Variants in CFAP91 observed in about 807,000 individuals in gnomAD.
The protein encoded by CFAP91 is cilia and flagella associated protein 91.
A neutral mutation model predicts 95.9 loss-of-function variants in CFAP91; 85 were observed. The ratio of observed to expected loss-of-function variants is 0.89; its 90% confidence interval spans 0.74 to 1.06. The LOEUF (loss-of-function observed/expected upper bound fraction) is 1.06. Among genes scored for constraint, CFAP91 ranks in the 50% least tolerant of loss-of-function variants. CFAP91 has a pLI of 0.00. For missense variants in CFAP91, 962 were observed against 943.4 expected, an observed-to-expected ratio of 1.02 and a Z score of -0.26; for synonymous variants, 335 against 327.5, an observed-to-expected ratio of 1.02 and a Z score of -0.25.
intron 5 of CFAP91, among the ~76,000 whole-genome samples, chr3:119,710,850 G>A (rs1434946115): frequency 6.6e-6 from 1 of 152,182 alleles, no homozygotes; most frequent in East Asian, 1.9e-4. Flanking sequence ...GGCTGAATCT[G>A]AGACAAATGT....
chr3:119,737,482 T>A lies in CFAP91; in HGVS notation c.1461T>A (p.Asn487Lys), dbSNP rs369397201. ...CTCCAACCTTGGAAATGACGTCCAA[T>A]GTAAGTTGGAAACTTTTTAGTTGAA... The part of the protein sequence containing the change: ...LPTPTLEMTS[N>K]EEEEMEMAVI... Residue 487 changes from asparagine (N) to lysine (K), a missense_variant and splice_region_variant, in exon 11 of 18, where the codon AAT becomes AAA. Transcript: ENST00000273390. 6.4e-7 allele frequency: 1 copy of A among 1,565,918 alleles called. No homozygotes were observed. The highest frequency in any genetic ancestry group is 1.4e-5 in the African/African-American group (1 of 72,906).
chr3:119,726,182 C>G lies in CFAP91; in HGVS notation c.694C>G (p.Pro232Ala), dbSNP rs759496105. 8.7e-6 allele frequency: 14 copies of G among 1,609,836 alleles called. No individual in the cohort carries two copies. The South Asian group carries it at 1.3e-4, about 15-fold the overall frequency. Residue 232 changes from proline to alanine, a missense_variant, in exon 7 of 18, where the codon CCA becomes GCA. By Grantham distance (27) the Pro-to-Ala change is conservative. Transcript: ENST00000273390. Reference sequence around the variant, plus strand: ...GCTTTATCCTGCAGGTCGGGGTCTCCCAGCAGGACAAGCTGAGGTGGAGAT... The same window carrying G: ...GCTTTATCCTGCAGGTCGGGGTCTCGCAGCAGGACAAGCTGAGGTGGAGAT... Reference protein sequence around the residue: ...LATLTWGRGLPAGQAEVEMIE... With the variant: ...LATLTWGRGLAAGQAEVEMIE...
chr3:119,727,049 TAAG>T (rs1422448467), intron 7 of CFAP91, among the ~76,000 whole-genome samples: 3 of 152,182 alleles, frequency 2.0e-5, no homozygotes, highest in African/African-American at 7.2e-5. Flanking sequence ...GTGGAAATGA[TAAG>T]AGATTATGAG....
At chr3:119,737,003 A>ATTT (rs2054021637) in intron 10 of CFAP91, among the ~76,000 whole-genome samples, 1 of 152,038 alleles carries the variant, frequency 6.6e-6, no homozygotes, top group African/African-American at 2.4e-5. Context: ...TGCCCGGCTA[A>ATTT]TTTTGTATTT....
chr3:119,740,496 T>C, intron 12 of CFAP91, 53 bp from the exon 13 acceptor site: 1 of 1,594,822 alleles, frequency 6.3e-7, no homozygotes, highest in East Asian at 2.2e-5. Context: ...TCCTAGTGCT[T>C]GGCACAAAGG....
chr3:119,748,051 T>C (rs1393803242), intron 16 of CFAP91, 149 bp downstream of exon 16: 11 of 636,928 alleles, frequency 1.7e-5, no homozygotes, highest in Non-Finnish European at 1.1e-5. Context: ...TCAGGTTCTC[T>C]TCATGCTGCC....
intron 17 of CFAP91, among the ~76,000 whole-genome samples, chr3:119,762,456 G>A (rs557050989): frequency 1.3e-5 from 2 of 152,018 alleles, no homozygotes; most frequent in Admixed American, 1.3e-4. Context: ...AAATTCCAAT[G>A]ACATTTTTCA....
intron 5 of CFAP91, among the ~76,000 whole-genome samples, chr3:119,714,733 A>G (rs1418530894): frequency 1.3e-5 from 2 of 152,212 alleles, no homozygotes; most frequent in East Asian, 1.9e-4. Context: ...TTTTTATCAT[A>G]TATGTTCCAA....
chr3:119,707,674 A>C (rs1452876605), intron 3 of CFAP91, 113 bp downstream of exon 3: 2 of 917,056 alleles, frequency 2.2e-6, no homozygotes, highest in Middle Eastern at 3.5e-4. Flanking sequence ...ACCTAGGCCA[A>C]ATTTTCTTTC....
At chr3:119,705,616 C>T (rs964804478) in intron 1 of CFAP91, among the ~76,000 whole-genome samples, 5 of 152,182 alleles carry the variant, frequency 3.3e-5, no homozygotes, top group East Asian at 1.9e-4. Context: ...GGGCCTGCCC[C>T]GACCACCCTA....
chr3:119,745,331 A>G lies in CFAP91; in HGVS notation c.1902+1135A>G, dbSNP rs115392872. Among the ~76,000 whole-genome samples, 1,186 of 152,344 alleles carry G rather than the reference A, an allele frequency of 7.8e-3. 24 individuals are homozygous for G. The highest frequency in any genetic ancestry group is 0.027 in the African/African-American group (1,112 of 41,580). Reference sequence around the variant, plus strand: ...GTAATATTTAATAAATTTCCAAAATATGCATCTAGATAGTGAGAAACACAG... The same window carrying G: ...GTAATATTTAATAAATTTCCAAAATGTGCATCTAGATAGTGAGAAACACAG... On this transcript the variant is annotated intron_variant, in intron 14 of 17. Coordinates refer to ENST00000273390, the MANE Select transcript of CFAP91 (RefSeq NM_033364.4).
At chr3:119,704,387 G>A (rs371317343) in intron 1 of CFAP91, among the ~76,000 whole-genome samples, 8 of 152,298 alleles carry the variant, frequency 5.3e-5, no homozygotes, top group African/African-American at 1.9e-4. Flanking sequence ...TCATGGACAG[G>A]AAGCGAAGTA....
At chr3:119,753,463 A>G (rs1376407458) in intron 17 of CFAP91, among the ~76,000 whole-genome samples, 1 of 152,192 alleles carries the variant, frequency 6.6e-6, no homozygotes, top group Non-Finnish European at 1.5e-5. Flanking sequence ...CTATTGCTTC[A>G]AGGAACCTGC....
intron 12 of CFAP91, 133 bp from the exon 13 acceptor site, chr3:119,740,416 G>C: frequency 1.0e-6 from 1 of 979,572 alleles, no homozygotes; most frequent in South Asian, 1.6e-5. Flanking sequence ...GGACACATCT[G>C]CTCTGTGGAA....
intron 17 of CFAP91, among the ~76,000 whole-genome samples, chr3:119,755,589 C>T (rs2054411433): frequency 6.6e-6 from 1 of 152,138 alleles, no homozygotes; most frequent in Non-Finnish European, 1.5e-5. Flanking sequence ...AGAGAACTCT[C>T]AACCAAAACT....
intron 6 of CFAP91, chr3:119,715,981 T>TTGCA (rs2053567048): frequency 3.4e-6 from 2 of 595,024 alleles, no homozygotes; most frequent in South Asian, 4.2e-5. Flanking sequence ...CAGCTTAATA[T>TTGCA]TGCAGTTGCT....
rs79944387 is a variant in CFAP91 at position 119,762,508 on chromosome 3, G to C, written c.*2-2544G>C. 3.7e-3 allele frequency among the ~76,000 whole-genome samples: 566 copies of C among 151,974 alleles called. 5 individuals are homozygous for C. Among genetic ancestry groups the C allele is most frequent in the African/African-American group, 0.013 (535 of 41,522 alleles). Reference sequence around the variant, plus strand: ...AATCCTAAAATTCATATGGAACCATGAAAGACCCCAAATAGCTAAAACAAT... The same window carrying C: ...AATCCTAAAATTCATATGGAACCATCAAAGACCCCAAATAGCTAAAACAAT... On this transcript the variant is annotated intron_variant, in intron 17 of 17. Transcript: ENST00000273390.
Position 119,761,132 on chromosome 3 carries a change from ACTT to A in CFAP91, c.*2-3919_*2-3917del, listed in dbSNP as rs999597695. Among the ~76,000 whole-genome samples, 23 of 151,738 alleles carry A rather than the reference ACTT, an allele frequency of 1.5e-4. 1 individual carries two copies. Among genetic ancestry groups the A allele is most frequent in the Admixed American group, 1.2e-3 (18 of 15,238 alleles). On this transcript the variant is annotated intron_variant, in intron 17 of 17. Transcript: ENST00000273390. ...AAATTGACAAACCTTTAACTAGACTACTTAAGGCCAAAGAGGGAAGACTTAAGG... is the reference window on the plus strand; with the variant it reads ...AAATTGACAAACCTTTAACTAGACTAAAGGCCAAAGAGGGAAGACTTAAGG...
chr3:119,706,833 A>T lies in CFAP91; in HGVS notation c.149A>T (p.Glu50Val). The T allele has an allele frequency of 6.2e-7, 1 of 1,613,474 alleles. No individual in the cohort carries two copies. Among genetic ancestry groups the T allele is most frequent in the Non-Finnish European group, 8.5e-7 (1 of 1,179,802 alleles). ...LYDPLFIVSS[E>V]KDHTQANIQA... The stretch of plus-strand genomic sequence containing the variant: ...GATCCATTGTTTATTGTGTCAAGTG[A>T]GAAAGACCATACACAGGCAAATATC... The change falls in exon 2 of 18, where the codon GAG (glutamate) becomes GTG (valine). Residue 50 changes from glutamate (E) to valine (V), a missense_variant. Glu to Val is a moderately radical substitution (Grantham distance 121). Coordinates refer to ENST00000273390, the MANE Select transcript of CFAP91 (RefSeq NM_033364.4).
Sources: allele counts gnomAD v4.1 joint callset (sites outside exome capture counted in the v4.1 genomes callset), GRCh38; gene constraint gnomAD v4.1.1; transcripts MANE v1.5; gene names NCBI Gene and HGNC (gene_info 2026-07-23, HGNC 2026-07-21).